Variants in PIGL observed in about 807,000 individuals in gnomAD.
PIGL encodes the protein N-acetylglucosaminyl-phosphatidylinositol de-N-acetylase.
Under a neutral mutation model 31.1 loss-of-function variants are expected in PIGL, and 22 were observed. That is an observed-to-expected ratio of 0.71 (90% CI 0.51 to 1.01). The LOEUF (loss-of-function observed/expected upper bound fraction) is 1.01. PIGL is among the 50% of genes least tolerant of loss of function. The pLI is 0.00. For missense variants in PIGL, 302 were observed against 315.9 expected, an observed-to-expected ratio of 0.96 and a Z score of 0.33; for synonymous variants, 131 against 117.4, an observed-to-expected ratio of 1.12 and a Z score of -0.75.
At chr17:16,321,954 T>C (rs1194795025) in intron 6 of PIGL, among the ~76,000 whole-genome samples, 1 of 152,028 alleles carries the variant, frequency 6.6e-6, no homozygotes, top group Non-Finnish European at 1.5e-5. Flanking sequence ...CTGGCTAATT[T>C]TGTATTTTTA....
At position 16,231,390 on chromosome 17, in the gene PIGL, A is replaced by G. The variant is rs150988292; in HGVS notation, c.236-2581A>G. Among the ~76,000 whole-genome samples the G allele has an allele frequency of 1.9e-3, 289 of 151,342 alleles. 8 individuals are homozygous for G. Among genetic ancestry groups the G allele is most frequent in the African/African-American group, 6.8e-3 (281 of 41,330 alleles). ...AGTGGGACTACAGGCGTGAGCCACC[A>G]TGCCCAGCTAATTTTTAAAATTTTT... On this transcript the variant is annotated intron_variant, in intron 1 of 6. Transcript: ENST00000225609.
chr17:16,280,371 G>A (rs2092911583), intron 2 of PIGL, among the ~76,000 whole-genome samples: 1 of 152,208 alleles, frequency 6.6e-6, no homozygotes. Context: ...CTTTGGAGCA[G>A]AATTAGTTAA....
At chr17:16,309,485 G>A (rs112371550) in intron 3 of PIGL, among the ~76,000 whole-genome samples, 6,512 of 152,280 alleles carry the variant, frequency 0.043, 461 homozygotes, top group African/African-American at 0.15. Context: ...ACATTAGGCC[G>A]GGCACGGTGG....
chr17:16,322,906 G>A lies in PIGL; in HGVS notation c.661-2894G>A, dbSNP rs140292504. Among the ~76,000 whole-genome samples, 613 of 152,280 alleles carry A rather than the reference G, an allele frequency of 4.0e-3. 2 individuals are homozygous for A. The highest frequency in any genetic ancestry group is 6.6e-3 in the Non-Finnish European group (447 of 68,026). ...TAAAATAGCCTCTAAGGATGATGCT[G>A]AGTGCTGTCTTGCATTCCTAAGCAC... On this transcript the variant is annotated intron_variant, in intron 6 of 6. Coordinates refer to ENST00000225609, the MANE Select transcript of PIGL (RefSeq NM_004278.4).
At chr17:16,321,110 G>A (rs768309089) in intron 6 of PIGL, among the ~76,000 whole-genome samples, 6 of 151,094 alleles carry the variant, frequency 4.0e-5, no homozygotes, top group Non-Finnish European at 5.9e-5. Context: ...GCTAATTTTT[G>A]TATTTTTAGT....
chr17:16,267,367 T>C (rs1441170441), intron 2 of PIGL, among the ~76,000 whole-genome samples: 2 of 151,598 alleles, frequency 1.3e-5, no homozygotes, highest in Non-Finnish European at 2.9e-5. Flanking sequence ...AGGAAGTGGA[T>C]GGGGAGGCGG....
At chr17:16,325,754 A>G (rs753964141) in intron 6 of PIGL, 46 bp from the exon 7 acceptor site, 2 of 1,387,264 alleles carry the variant, frequency 1.4e-6, no homozygotes, top group Non-Finnish European at 2.1e-6. Flanking sequence ...TAATGAAACA[A>G]CTCCAGTGCA....
chr17:16,217,478 G>T lies in PIGL; in HGVS notation c.235+17G>T, dbSNP rs752511888. On this transcript the variant is annotated intron_variant, in intron 1 of 6. Coordinates refer to ENST00000225609, the MANE Select transcript of PIGL (RefSeq NM_004278.4). ...TCTCTGCAGGTAGGAGGCCATAGGA[G>T]GGGCGATGGGAGCCGGGGCTTTGAA... The T allele has an allele frequency of 3.2e-6, 5 of 1,583,174 alleles. No individual in the cohort carries two copies. The East Asian group carries it at 1.1e-4, about 35-fold the overall frequency.
intron 2 of PIGL, among the ~76,000 whole-genome samples, chr17:16,253,309 C>T (rs2092780573): frequency 1.3e-5 from 2 of 152,050 alleles, no homozygotes; most frequent in Admixed American, 1.3e-4. Flanking sequence ...CAAGATCCCT[C>T]CAATTAAAAC....
chr17:16,312,323 GGGC>G, intron 3 of PIGL: 1 of 162,852 alleles, frequency 6.1e-6, no homozygotes, highest in Non-Finnish European at 1.3e-5. Context: ...ATCCCAGATG[GGGC>G]GGCAGGGCAG....
intron 6 of PIGL, among the ~76,000 whole-genome samples, chr17:16,320,226 G>A (rs1459288349): frequency 3.4e-4 from 37 of 107,474 alleles, no homozygotes; most frequent in African/African-American, 1.5e-3. Flanking sequence ...AGGAAGGAAG[G>A]AAGGAAGGAA....
intron 6 of PIGL, among the ~76,000 whole-genome samples, chr17:16,318,376 T>C (rs548025596): frequency 6.6e-6 from 1 of 151,944 alleles, no homozygotes; most frequent in East Asian, 2.0e-4. Flanking sequence ...GTTCAAGTGA[T>C]TCTCCTGCCT....
chr17:16,303,719 T>C (rs2093014876), intron 3 of PIGL, among the ~76,000 whole-genome samples: 1 of 151,236 alleles, frequency 6.6e-6, no homozygotes, highest in South Asian at 2.1e-4. Context: ...TTGTATTTTT[T>C]TTTTTCTTTT....
At chr17:16,219,776 G>A (rs2092617841) in intron 1 of PIGL, among the ~76,000 whole-genome samples, 1 of 151,802 alleles carries the variant, frequency 6.6e-6, no homozygotes, top group Admixed American at 6.6e-5. Flanking sequence ...GGGATAGCCA[G>A]GCTAGTCTCG....
At position 16,235,478 on chromosome 17, in the gene PIGL, C is replaced by G. The variant is rs1350262716; in HGVS notation, c.335+1408C>G. On this transcript the variant is annotated intron_variant, in intron 2 of 6. Coordinates refer to ENST00000225609, the MANE Select transcript of PIGL (RefSeq NM_004278.4). Reference sequence around the variant, plus strand: ...TTTTTTTTTGAGACGGAGTCTCACTCTGTTCCCGCCCAGCCTGGAGTGCAG... The same window carrying G: ...TTTTTTTTTGAGACGGAGTCTCACTGTGTTCCCGCCCAGCCTGGAGTGCAG... 5.9e-5 allele frequency among the ~76,000 whole-genome samples: 7 copies of G among 118,716 alleles called. No individual in the cohort carries two copies. In the Admixed American group the frequency reaches 7.6e-4, roughly 13 times the overall value. 77.9% of individuals were successfully genotyped at this position (118,716 alleles called of 152,430 possible).
At chr17:16,217,491 C>T in intron 1 of PIGL, 30 bp downstream of exon 1, 1 of 1,555,532 alleles carries the variant, frequency 6.4e-7, no homozygotes, top group Non-Finnish European at 8.9e-7. Flanking sequence ...GCGATGGGAG[C>T]CGGGGCTTTG....
chr17:16,217,421 C>T lies in PIGL; in HGVS notation c.195C>T (p.Ala65=). 6.2e-7 allele frequency: 1 copy of T among 1,614,170 alleles called. No individual in the cohort carries two copies. Among genetic ancestry groups the T allele is most frequent in the Non-Finnish European group, 8.5e-7 (1 of 1,180,036 alleles). The stretch of plus-strand genomic sequence containing the variant: ...TTGCTCCCACAGTGCTAGGCTTGGC[C>T]CGCCTAAGGCACTGGGTGTACCTGC... ...MFFAPTVLGL[A]RLRHWVYLLC... is the part of the protein sequence containing the mutation. Residue 65 remains alanine, a synonymous_variant, in exon 1 of 7, where the codon GCC becomes GCT. Coordinates refer to ENST00000225609, the MANE Select transcript of PIGL (RefSeq NM_004278.4).
rs773330334 is a variant in PIGL, at chr17:16,217,237, T to C, written c.11T>C (p.Met4Thr). Reference protein sequence around the residue: MEAMWLLCVALAVL... With the variant: MEATWLLCVALAVL... The stretch of plus-strand genomic sequence containing the variant: ...TGCTGCTTACCCATCATGGAAGCAA[T>C]GTGGCTCCTGTGTGTGGCGTTGGCG... Residue 4 changes from methionine to threonine, a missense_variant, in exon 1 of 7, where the codon ATG becomes ACG. By Grantham distance (81) the Met-to-Thr change is moderately conservative. Coordinates refer to ENST00000225609, the MANE Select transcript of PIGL (RefSeq NM_004278.4). The C allele has an allele frequency of 3.2e-5, 51 of 1,613,942 alleles. No individual in the cohort carries two copies. In the South Asian group the frequency reaches 3.4e-4, roughly 11 times the overall value.
chr17:16,301,039 T>C (rs1053162826), intron 3 of PIGL, among the ~76,000 whole-genome samples: 6 of 152,196 alleles, frequency 3.9e-5, no homozygotes, highest in African/African-American at 1.4e-4. Flanking sequence ...TGAGGTAATA[T>C]CTAAAATTCC....
Sources: gnomAD v4.1 joint callset for allele counts (sites outside exome capture counted in the v4.1 genomes callset) on GRCh38, gnomAD v4.1.1 for gene constraint, MANE v1.5 for transcripts, NCBI Gene and HGNC (gene_info 2026-07-23, HGNC 2026-07-21) for gene names.